Variants in UBE3D observed in about 807,000 individuals in gnomAD.
UBE3D encodes E3 ubiquitin-protein ligase E3D.
A neutral mutation model predicts 49.6 loss-of-function variants in UBE3D; 48 were observed. The observed-to-expected ratio is 0.97, with a 90% confidence interval of 0.77 to 1.23. UBE3D has a LOEUF of 1.23. Among genes scored for constraint, UBE3D ranks in the 50% most tolerant of loss-of-function variants. The pLI, the probability that UBE3D is intolerant of heterozygous loss-of-function variation, is 0.00. For synonymous variants in UBE3D, 189 were observed against 174.2 expected (o/e 1.08, Z -0.67); for missense variants, 452 against 468.4 (o/e 0.96, Z 0.32).
downstream of UBE3D, among the ~76,000 whole-genome samples, chr6:82,887,808 G>C (rs1180960127): frequency 1.3e-5 from 2 of 152,100 alleles, no homozygotes; most frequent in Non-Finnish European, 2.9e-5. Flanking sequence ...GACTAATTTT[G>C]TTACTTATAT....
rs183701845 is a variant in UBE3D at position 82,961,080 on chromosome 6, G to A, written c.1011-3630C>T. ...GGCCCATGATGCTTTGGACCTTCTC[G>A]AAATGAGGTAAACACTGTAGCCTGG... On this transcript the variant is annotated intron_variant, in intron 8 of 9. Coordinates refer to ENST00000369747, the MANE Select transcript of UBE3D (RefSeq NM_198920.3). Among the ~76,000 whole-genome samples the A allele has an allele frequency of 2.6e-4, 40 of 152,216 alleles. No individual in the cohort carries two copies. In the East Asian group the frequency reaches 6.6e-3, roughly 25 times the overall value.
intron 9 of UBE3D, among the ~76,000 whole-genome samples, chr6:82,950,183 C>T (rs1466373063): frequency 2.0e-5 from 3 of 152,090 alleles, no homozygotes; most frequent in African/African-American, 7.2e-5. Context: ...ATCTAATCAA[C>T]TGATTAAAAA....
At position 82,963,992 on chromosome 6, in the gene UBE3D, C is replaced by T. The variant is rs563394222; in HGVS notation, c.1011-6542G>A. 3.3e-5 allele frequency among the ~76,000 whole-genome samples: 5 copies of T among 152,090 alleles called. No individual in the cohort carries two copies. In the East Asian group the frequency reaches 5.8e-4, roughly 18 times the overall value. On this transcript the variant is annotated intron_variant, in intron 8 of 9. Transcript: ENST00000369747. Reference sequence around the variant, plus strand: ...ACTTCAAAAGGAACAATGAACTAAACGTCAATTGAAACTTACTTCTATGAT... The same window carrying T: ...ACTTCAAAAGGAACAATGAACTAAATGTCAATTGAAACTTACTTCTATGAT...
At chr6:82,999,999 G>A (rs6912647) in intron 8 of UBE3D, among the ~76,000 whole-genome samples, 84 of 152,274 alleles carry the variant, frequency 5.5e-4, no homozygotes, top group African/African-American at 1.8e-3. Context: ...CCTTCTTAAA[G>A]CAGTTTCCTC....
At chr6:83,003,341 A>G (rs1779760478) in intron 8 of UBE3D, among the ~76,000 whole-genome samples, 1 of 152,204 alleles carries the variant, frequency 6.6e-6, no homozygotes. Context: ...TCCTCAAGGA[A>G]GCAATCTGAA....
At chr6:82,902,183 T>C (rs2127718357) in intron 9 of UBE3D, among the ~76,000 whole-genome samples, 1 of 152,292 alleles carries the variant, frequency 6.6e-6, no homozygotes, top group East Asian at 1.9e-4. Flanking sequence ...TTCCACACAT[T>C]GCTGAGGAGG....
rs1194362850 is a variant in UBE3D, at chr6:83,049,824, C to T, written c.365+4324G>A. The T allele has an allele frequency of 1.7e-5, 8 of 470,456 alleles. No homozygotes were observed. In the East Asian group the frequency reaches 4.2e-4, roughly 24 times the overall value. 29.1% of individuals were successfully genotyped at this position (470,456 alleles called of 1,614,324 possible). ...AAGTTTGGCCAACTGATTTCATTCACATATGAGATGAATTTATTTCTAAAA... is the reference window on the plus strand; with the variant it reads ...AAGTTTGGCCAACTGATTTCATTCATATATGAGATGAATTTATTTCTAAAA... On this transcript the variant is annotated intron_variant, in intron 3 of 9. Coordinates refer to ENST00000369747, the MANE Select transcript of UBE3D (RefSeq NM_198920.3).
intron 5 of UBE3D, among the ~76,000 whole-genome samples, chr6:83,028,561 T>C (rs1374170869): frequency 6.6e-6 from 1 of 152,188 alleles, no homozygotes; most frequent in South Asian, 2.1e-4. Flanking sequence ...TCCTCTTGAG[T>C]AGTCTCTCAT....
chr6:83,043,375 A>T (rs1012473088), intron 4 of UBE3D, among the ~76,000 whole-genome samples: 29 of 151,962 alleles, frequency 1.9e-4, no homozygotes, highest in Admixed American at 1.2e-3. Flanking sequence ...TAAATATAAC[A>T]AATATATATT....
chr6:82,907,821 G>A (rs1772213144), intron 9 of UBE3D, among the ~76,000 whole-genome samples: 1 of 152,112 alleles, frequency 6.6e-6, no homozygotes, highest in Non-Finnish European at 1.5e-5. Flanking sequence ...CTACAACCCA[G>A]CAATTCCATT....
chr6:82,923,744 T>C (rs575860140), intron 9 of UBE3D, among the ~76,000 whole-genome samples: 1 of 152,248 alleles, frequency 6.6e-6, no homozygotes, highest in Admixed American at 6.5e-5. Context: ...AAGAGGAACA[T>C]CTGTTACTTA....
At chr6:83,038,149 T>C (rs1782401997) in intron 5 of UBE3D, 1 of 258,728 alleles carries the variant, frequency 3.9e-6, no homozygotes, top group Non-Finnish European at 7.2e-6. Flanking sequence ...CTTTATACTA[T>C]TGCTTTATAT....
chr6:83,062,078 A>T (rs966145274), intron 1 of UBE3D, among the ~76,000 whole-genome samples: 1 of 151,976 alleles, frequency 6.6e-6, no homozygotes, highest in Non-Finnish European at 1.5e-5. Context: ...TCAAATATAT[A>T]TTTATTTTGT....
At chr6:82,923,562 T>C (rs1773517360) in intron 9 of UBE3D, among the ~76,000 whole-genome samples, 3 of 151,690 alleles carry the variant, frequency 2.0e-5, no homozygotes, top group South Asian at 4.2e-4. Context: ...CCTGGGGCCC[T>C]GTGGGGGTGG....
In UBE3D at chr6:82,939,514, A is replaced by G. The variant is rs748818694; in HGVS notation, c.1149+17798T>C. Among the ~76,000 whole-genome samples the G allele has an allele frequency of 7.9e-5, 12 of 152,324 alleles. No individual in the cohort carries two copies. The South Asian group carries it at 1.0e-3, about 13-fold the overall frequency. The stretch of plus-strand genomic sequence containing the variant: ...TACACCACTTTTTATCTTTTGTACC[A>G]TATTTTTACTGTACCTTTTCTATGT... On this transcript the variant is annotated intron_variant, in intron 9 of 9. Transcript: ENST00000369747.
chr6:83,019,068 G>A lies in UBE3D; in HGVS notation c.915C>T (p.Phe305=), dbSNP rs2127769397. The change falls in exon 8 of 10, where the codon TTC becomes TTT. Residue 305 remains phenylalanine (F), a synonymous_variant. Transcript: ENST00000369747. ...CTTTGAATGTGTTTTCCAACAAGGG[G>A]AATTTTTTGATATATTTGGAATTTC... ...SLRNSKYIKK[F]PLLENTFKAD... 3 of 1,613,794 alleles carry A rather than the reference G, an allele frequency of 1.9e-6. No homozygotes were observed. The highest frequency in any genetic ancestry group is 2.5e-6 in the Non-Finnish European group (3 of 1,179,834).
chr6:82,998,514 T>C (rs1030278652), intron 8 of UBE3D, among the ~76,000 whole-genome samples: 6 of 152,192 alleles, frequency 3.9e-5, no homozygotes, highest in African/African-American at 1.4e-4. Flanking sequence ...ACAAAAATCA[T>C]ATGGAAAATC....
At chr6:82,979,850 C>T (rs78080718) in intron 8 of UBE3D, among the ~76,000 whole-genome samples, 42 of 152,212 alleles carry the variant, frequency 2.8e-4, no homozygotes, top group African/African-American at 8.7e-4. Flanking sequence ...CAGTATATGA[C>T]TTCCTGTTTC....
intron 9 of UBE3D, among the ~76,000 whole-genome samples, chr6:82,916,157 T>C (rs1386277167): frequency 6.6e-6 from 1 of 152,206 alleles, no homozygotes; most frequent in Admixed American, 6.5e-5. Context: ...ATAAGACATC[T>C]TCCCTGAGGT....
Sources: allele counts gnomAD v4.1 joint callset (sites outside exome capture counted in the v4.1 genomes callset), GRCh38; gene constraint gnomAD v4.1.1; transcripts MANE v1.5; gene names NCBI Gene and HGNC (gene_info 2026-07-23, HGNC 2026-07-21).